GNB5: variants seen among roughly 807,000 people sequenced by gnomAD.
GNB5 encodes the protein guanine nucleotide-binding protein subunit beta-5.
GNB5 carries 37 observed loss-of-function variants against 55.3 expected under a neutral mutation model. The ratio of observed to expected loss-of-function variants is 0.67; its 90% CI spans 0.51 to 0.88. The LOEUF (loss-of-function observed/expected upper bound fraction) is 0.88. Among genes scored for constraint, GNB5 ranks in the 40% least tolerant of loss-of-function variants. The pLI is 0.00. For synonymous variants in GNB5, 219 were observed against 198.5 expected (o/e 1.10, Z -0.87); for missense variants, 476 against 515.3 (o/e 0.92, Z 0.74).
intron 12 of GNB5, chr15:52,123,770 TG>T (rs1814175709): frequency 6.6e-6 from 1 of 152,118 alleles, no homozygotes; most frequent in African/African-American, 2.4e-5. Context: ...CTGGAACTCC[TG>T]ACCTCAAGTG....
Position 52,179,896 on chromosome 15 carries a change from A to T in GNB5, c.127-17T>A. 6.6e-7 allele frequency: 1 copy of T among 1,514,436 alleles called. No homozygotes were observed. The allele number at this position is 1,514,436 out of a possible 1,614,324, so 93.8% of individuals were successfully genotyped here. On this transcript the variant is annotated splice_polypyrimidine_tract_variant and intron_variant, in intron 2 of 12. Coordinates refer to ENST00000261837, the MANE Select transcript of GNB5 (RefSeq NM_016194.4). ...GGTTGCCATCTTCGCGCGGGGACGC[A>T]GCGGAGAGGGAAGCGGAGAGCGGGA...
chr15:52,125,811 G>C (rs1280515716), intron 11 of GNB5, 137 bp downstream of exon 11: 3 of 610,786 alleles, frequency 4.9e-6, no homozygotes, highest in Non-Finnish European at 8.9e-6. Flanking sequence ...AGGAAAACTG[G>C]TGCAAATATG....
intron 3 of GNB5, among the ~76,000 whole-genome samples, chr15:52,178,873 G>C (rs1310200884): frequency 6.6e-6 from 1 of 152,200 alleles, no homozygotes; most frequent in Non-Finnish European, 1.5e-5. Context: ...GTGTGCAGGA[G>C]GGCACCGTGG....
In GNB5 at chr15:52,150,344, A is replaced by G. The variant is rs1189243496; in HGVS notation, c.376-419T>C. On this transcript the variant is annotated intron_variant, in intron 4 of 12. Transcript: ENST00000261837. ...AAATAATAAATCTTTTTCTCCCACA[A>G]CATCTCCACTGCTTTGTCCTTTCCC... 2.0e-5 allele frequency among the ~76,000 whole-genome samples: 3 copies of G among 152,172 alleles called. No individual in the cohort carries two copies. In the East Asian group the frequency reaches 5.8e-4, roughly 29 times the overall value.
chr15:52,131,651 GCA>G (rs913840144), intron 9 of GNB5, among the ~76,000 whole-genome samples: 23 of 152,208 alleles, frequency 1.5e-4, no homozygotes, highest in African/African-American at 5.5e-4. Flanking sequence ...GGTAATTACT[GCA>G]CAGTTACAAT....
chr15:52,165,967 C>CAT (rs2034443331), intron 3 of GNB5, among the ~76,000 whole-genome samples: 1 of 152,102 alleles, frequency 6.6e-6, no homozygotes, highest in South Asian at 2.1e-4. Context: ...CAAAGACACA[C>CAT]ATAGGCTAAA....
intron 6 of GNB5, among the ~76,000 whole-genome samples, chr15:52,141,478 G>A (rs1373642923): frequency 6.7e-6 from 1 of 149,996 alleles, no homozygotes; most frequent in Non-Finnish European, 1.5e-5. Flanking sequence ...CTGTTGGCCA[G>A]GTTGGTCTTG....
intron 7 of GNB5, among the ~76,000 whole-genome samples, chr15:52,136,172 A>ACACACCCAC (rs1168734914): frequency 3.0e-5 from 3 of 100,050 alleles, no homozygotes; most frequent in South Asian, 3.4e-4. Context: ...ACACACACAC[A>ACACACCCAC]CCCTACCTGC....
intron 7 of GNB5, among the ~76,000 whole-genome samples, chr15:52,140,397 C>T (rs1297984687): frequency 2.0e-5 from 3 of 152,224 alleles, no homozygotes; most frequent in Non-Finnish European, 4.4e-5. Context: ...ACTCTGTGGC[C>T]GCCTGGAGTG....
chr15:52,155,752 G>A (rs2034195205), intron 3 of GNB5, among the ~76,000 whole-genome samples: 1 of 152,192 alleles, frequency 6.6e-6, no homozygotes, highest in South Asian at 2.1e-4. Context: ...ACACAGAGAT[G>A]GGGTGCTGAG....
chr15:52,136,637 C>T (rs2033730811), intron 7 of GNB5, among the ~76,000 whole-genome samples: 1 of 152,172 alleles, frequency 6.6e-6, no homozygotes, highest in South Asian at 2.1e-4. Flanking sequence ...CCAGAGGCTT[C>T]CCAGGACCAC....
intron 3 of GNB5, among the ~76,000 whole-genome samples, chr15:52,161,049 T>G (rs188021376): frequency 7.2e-5 from 11 of 152,300 alleles, no homozygotes; most frequent in Non-Finnish European, 1.3e-4. Flanking sequence ...TGACGGGCAC[T>G]GGGCTGAGTG....
Position 52,133,448 on chromosome 15 carries a change from C to A in GNB5, c.793G>T (p.Val265Leu). 6.2e-7 allele frequency: 1 copy of A among 1,612,572 alleles called. No individual in the cohort carries two copies. The highest frequency in any genetic ancestry group is 8.5e-7 in the Non-Finnish European group (1 of 1,178,518). Residue 265 changes from valine (V) to leucine (L), a missense_variant, in exon 9 of 13, where the codon GTG becomes TTG. Physicochemically the swap from Val to Leu is conservative, Grantham distance 32 (BLOSUM62 1). Coordinates refer to ENST00000261837, the MANE Select transcript of GNB5 (RefSeq NM_016194.4). ...VSGGCDKKAM[V>L]WDMRSGQCVQ... ...CACTGGCCGGAGCGCATGTCCCACA[C>A]CATGGCTTTCTTGTCACATCCCTAC...
chr15:52,147,302 T>G lies in GNB5; in HGVS notation c.494+157A>C, dbSNP rs2033997703. ...ACAAGCAGGCACCACTGTGCTGGCT[T>G]ATGGTTTCTTCTTTGATCAAGTTCA... is the stretch of plus-strand genomic sequence containing the variant. On this transcript the variant is annotated intron_variant, in intron 6 of 12. Coordinates refer to ENST00000261837, the MANE Select transcript of GNB5 (RefSeq NM_016194.4). 3 of 601,636 alleles carry G rather than the reference T, an allele frequency of 5.0e-6. No homozygotes were observed. The South Asian group carries it at 5.3e-5, about 11-fold the overall frequency. 37.3% of individuals were successfully genotyped at this position (601,636 alleles called of 1,614,324 possible).
intron 3 of GNB5, among the ~76,000 whole-genome samples, chr15:52,157,190 C>G (rs1401080668): frequency 6.6e-6 from 1 of 151,728 alleles, no homozygotes; most frequent in Non-Finnish European, 1.5e-5. Flanking sequence ...CCAGCCTCGG[C>G]CTCCCAAAGT....
intron 3 of GNB5, 32 bp from the exon 4 acceptor site, chr15:52,154,108 G>A (rs992396430): frequency 6.2e-7 from 1 of 1,606,252 alleles, no homozygotes; most frequent in African/African-American, 1.3e-5. Context: ...CAGTCCCCTT[G>A]CTAAGGACCA....
chr15:52,140,585 G>T (rs2033829496), intron 7 of GNB5, among the ~76,000 whole-genome samples: 1 of 152,258 alleles, frequency 6.6e-6, no homozygotes, highest in Admixed American at 6.5e-5. Flanking sequence ...TAGGTACTGA[G>T]AAGGTTTGCT....
intron 3 of GNB5, among the ~76,000 whole-genome samples, chr15:52,159,951 C>CTT (rs1194780716): frequency 5.6e-5 from 8 of 142,484 alleles, no homozygotes; most frequent in African/African-American, 1.3e-4. Flanking sequence ...AAATTAGCTT[C>CTT]TTTTTTTTTT....
In GNB5 at chr15:52,129,679, T is replaced by C. The variant is rs979080761; in HGVS notation, c.864-1435A>G. 4.6e-5 allele frequency among the ~76,000 whole-genome samples: 7 copies of C among 152,172 alleles called. No homozygotes were observed. The East Asian group carries it at 5.8e-4, about 13-fold the overall frequency. On this transcript the variant is annotated intron_variant, in intron 9 of 12. Coordinates refer to ENST00000261837, the MANE Select transcript of GNB5 (RefSeq NM_016194.4). ...AGTGTATTATCTTCCAGGTAATACA[T>C]AGATTATCTGGAAGAGACCTTTTGT...
Sources: gnomAD v4.1 joint callset for allele counts (sites outside exome capture counted in the v4.1 genomes callset) on GRCh38, gnomAD v4.1.1 for gene constraint, MANE v1.5 for transcripts, NCBI Gene and HGNC (gene_info 2026-07-23, HGNC 2026-07-21) for gene names.